ANO3: variants seen among roughly 807,000 people sequenced by gnomAD.
The protein encoded by ANO3 is anoctamin 3, also known as anoctamin-3.
A neutral mutation model predicts 144.8 loss-of-function variants in ANO3; 99 were observed. The observed-to-expected ratio is 0.68, with a 90% CI of 0.58 to 0.81. ANO3 has a LOEUF of 0.81. Among genes scored for constraint, ANO3 ranks in the 30% least tolerant of loss-of-function variants. ANO3 has a pLI of 0.00. For synonymous variants in ANO3, 414 were observed against 392.6 expected (o/e 1.05, Z -0.64); for missense variants, 905 against 1,202.2 (o/e 0.75, Z 3.66).
intron 14 of ANO3, among the ~76,000 whole-genome samples, chr11:26,596,158 C>G (rs1851621421): frequency 6.7e-6 from 1 of 150,268 alleles, no homozygotes; most frequent in Non-Finnish European, 1.5e-5. Context: ...ACTGTTTTTC[C>G]TTTACTATTT....
intron 1 of ANO3, among the ~76,000 whole-genome samples, chr11:26,344,850 C>T (rs553639187): frequency 9.2e-5 from 14 of 152,218 alleles, no homozygotes; most frequent in Admixed American, 2.6e-4. Context: ...CCCACTCAGA[C>T]GTACTTATGC....
intron 17 of ANO3, among the ~76,000 whole-genome samples, chr11:26,602,490 G>T (rs893623737): frequency 3.3e-5 from 5 of 152,136 alleles, no homozygotes; most frequent in Non-Finnish European, 2.9e-5. Flanking sequence ...ACTTTGGGAA[G>T]TCAAGGCAGG....
chr11:26,271,247 T>C (rs1349603429), intron 1 of ANO3, among the ~76,000 whole-genome samples: 1 of 152,224 alleles, frequency 6.6e-6, no homozygotes, highest in Non-Finnish European at 1.5e-5. Flanking sequence ...AATTCACATA[T>C]GCTGGGATGA....
At chr11:26,598,811 T>C (rs746745748) in intron 15 of ANO3, 47 bp from the exon 16 acceptor site, 1 of 1,581,148 alleles carries the variant, frequency 6.3e-7, no homozygotes. Context: ...GGTATGTTTT[T>C]TTAGTTTATG....
intron 1 of ANO3, among the ~76,000 whole-genome samples, chr11:26,254,615 C>T (rs1039678775): frequency 6.6e-6 from 1 of 152,040 alleles, no homozygotes; most frequent in African/African-American, 2.4e-5. Context: ...TTTTGTTATG[C>T]TATTTTAAAC....
At chr11:26,578,133 A>AATTTCCAAGAGTAATTTTGGG (rs1358249288) in intron 14 of ANO3, among the ~76,000 whole-genome samples, 1 of 152,190 alleles carries the variant, frequency 6.6e-6, no homozygotes, top group African/African-American at 2.4e-5. Context: ...TGTATATTGT[A>AATTTCCAAGAGTAATTTTGGG]ATTTCCAAGA....
chr11:26,629,742 T>C (rs2133029234), intron 18 of ANO3, among the ~76,000 whole-genome samples: 1 of 152,206 alleles, frequency 6.6e-6, no homozygotes, highest in South Asian at 2.1e-4. Flanking sequence ...AGCAGTCCTC[T>C]TGCCTCAGCC....
intron 18 of ANO3, among the ~76,000 whole-genome samples, chr11:26,627,613 G>GA (rs1852628529): frequency 6.6e-6 from 1 of 152,022 alleles, no homozygotes; most frequent in Non-Finnish European, 1.5e-5. Context: ...AATGACTTGG[G>GA]AAAATCATAC....
intron 14 of ANO3, chr11:26,561,099 A>G (rs1850270701): frequency 1.2e-6 from 2 of 1,612,390 alleles, no homozygotes; most frequent in African/African-American, 1.3e-5. Flanking sequence ...TATGTCATCC[A>G]TAGGAATGCC....
chr11:26,625,055 G>C (rs1024182718), intron 18 of ANO3, among the ~76,000 whole-genome samples: 2 of 152,012 alleles, frequency 1.3e-5, no homozygotes, highest in Non-Finnish European at 2.9e-5. Context: ...CTCCCGAGTA[G>C]TTGGGGACTA....
chr11:26,249,467 A>G (rs1852875979), intron 1 of ANO3, among the ~76,000 whole-genome samples: 1 of 152,184 alleles, frequency 6.6e-6, no homozygotes, highest in Non-Finnish European at 1.5e-5. Flanking sequence ...GGCTAAAGGA[A>G]TGAATTGTGT....
intron 23 of ANO3, among the ~76,000 whole-genome samples, chr11:26,645,193 G>A (rs189319855): frequency 6.7e-6 from 1 of 150,028 alleles, no homozygotes; most frequent in African/African-American, 2.4e-5. Context: ...GATTTATCTG[G>A]AATATGTTGT....
Position 26,542,083 on chromosome 11 carries a change from A to T in ANO3, c.1154+15A>T. On this transcript the variant is annotated intron_variant, in intron 11 of 26. Transcript: ENST00000256737. ...GATTTAATCAGGTACTGCAAATGGA[A>T]CAATAATGAAAAGCAAAGTATTCTG... 1 of 1,603,886 alleles carries T rather than the reference A, an allele frequency of 6.2e-7. No homozygotes were observed. The highest frequency in any genetic ancestry group is 1.1e-5 in the South Asian group (1 of 89,190).
chr11:26,574,518 G>C (rs550515604), intron 14 of ANO3, among the ~76,000 whole-genome samples: 1 of 152,066 alleles, frequency 6.6e-6, no homozygotes, highest in Non-Finnish European at 1.5e-5. Flanking sequence ...TAGGGACATA[G>C]GTACTTTAAG....
chr11:26,195,848 C>G (rs1228744897), intron 1 of ANO3, among the ~76,000 whole-genome samples: 1 of 152,158 alleles, frequency 6.6e-6, no homozygotes, highest in African/African-American at 2.4e-5. Context: ...TTTAAAACTT[C>G]TCTCTGCCTA....
At chr11:26,419,929 A>G (rs1202086931) in intron 1 of ANO3, among the ~76,000 whole-genome samples, 1 of 152,072 alleles carries the variant, frequency 6.6e-6, no homozygotes, top group Non-Finnish European at 1.5e-5. Context: ...ATTAGAGAAT[A>G]GTGCACAAAG....
chr11:26,613,074 G>A lies in ANO3; in HGVS notation c.1837-11388G>A, dbSNP rs113990054. On this transcript the variant is annotated intron_variant, in intron 17 of 26. Coordinates refer to ENST00000256737, the MANE Select transcript of ANO3 (RefSeq NM_031418.4). ...TTGGGAAGTTTCTGTCTATTATCCTGTTAAATAGGCTTTCTGTGTCTTTCT... is the reference window on the plus strand; with the variant it reads ...TTGGGAAGTTTCTGTCTATTATCCTATTAAATAGGCTTTCTGTGTCTTTCT... Among the ~76,000 whole-genome samples, 38 of 152,130 alleles carry A rather than the reference G, an allele frequency of 2.5e-4. 1 individual carries two copies. The highest frequency in any genetic ancestry group is 9.2e-4 in the African/African-American group (38 of 41,522).
intron 1 of ANO3, among the ~76,000 whole-genome samples, chr11:26,255,436 T>C (rs1853034539): frequency 6.6e-6 from 1 of 152,168 alleles, no homozygotes; most frequent in Non-Finnish European, 1.5e-5. Flanking sequence ...TATGGAACAT[T>C]GATGGCAGAT....
rs753048316 is a variant in ANO3, at chr11:26,559,849, C to CACAT, written c.1447+73_1447+74insTACA. On this transcript the variant is annotated intron_variant, in intron 14 of 26. Coordinates refer to ENST00000256737, the MANE Select transcript of ANO3 (RefSeq NM_031418.4). ...TGTTTCTGTGTTACACACACACACA[C>CACAT]ACACACACACACACACACACACACA... 2.8e-3 allele frequency: 2,417 copies of CACAT among 857,754 alleles called. 4 individuals are homozygous for CACAT. Among genetic ancestry groups the CACAT allele is most frequent in the Middle Eastern group, 3.5e-3 (10 of 2,858 alleles). 53.1% of individuals were successfully genotyped at this position (857,754 alleles called of 1,614,324 possible). A position where few individuals can be genotyped will look rare whatever the true frequency, so the allele number is the denominator to read the frequency against.
Sources: allele counts gnomAD v4.1 joint callset (sites outside exome capture counted in the v4.1 genomes callset), GRCh38; gene constraint gnomAD v4.1.1; transcripts MANE v1.5; gene names NCBI Gene and HGNC (gene_info 2026-07-23, HGNC 2026-07-21).